The following REDIC1 variants were observed in gnomAD, a reference collection of about 807,000 sequenced individuals.
REDIC1 encodes the protein HEI10 Interacting Protein 1.
the REDIC1 span, among the ~76,000 whole-genome samples, chr12:39,783,268 C>T: frequency 1.2e-4 from 19 of 152,330 alleles, no homozygotes; most frequent in African/African-American, 4.3e-4. Context: ...TTCACTCTAT[C>T]ACTGATGGAC....
At chr12:39,724,292 G>T in the REDIC1 span, among the ~76,000 whole-genome samples, 1 of 152,124 alleles carries the variant, frequency 6.6e-6, no homozygotes, top group African/African-American at 2.4e-5. Context: ...GAACTGGTTA[G>T]TAATTAAAAT....
the REDIC1 span, chr12:39,682,661 A>T: frequency 6.2e-7 from 1 of 1,609,080 alleles, no homozygotes. Flanking sequence ...ATTATGGATG[A>T]AGATTGTAGA....
the REDIC1 span, among the ~76,000 whole-genome samples, chr12:39,832,048 C>T: frequency 6.6e-6 from 1 of 152,028 alleles, no homozygotes; most frequent in African/African-American, 2.4e-5. Context: ...CCTGAGTCAC[C>T]CCTATTTTTG....
At chr12:39,837,053 C>G in the REDIC1 span, among the ~76,000 whole-genome samples, 1 of 46,134 alleles carries the variant, frequency 2.2e-5, no homozygotes, top group East Asian at 8.8e-4. Flanking sequence ...GCCAAAAGAA[C>G]AAAGCTGGAG....
At chr12:39,698,246 C>G in the REDIC1 span, among the ~76,000 whole-genome samples, 3 of 152,242 alleles carry the variant, frequency 2.0e-5, no homozygotes, top group South Asian at 6.2e-4. Context: ...GTAGTTAGGC[C>G]ATGAGTGCTC....
the REDIC1 span, chr12:39,830,558 C>T: frequency 1.1e-6 from 1 of 905,798 alleles, no homozygotes; most frequent in African/African-American, 1.7e-5. Context: ...TGTTACCAAA[C>T]TGTAGACTGC....
chr12:39,759,362 A>AGAT, the REDIC1 span: 1 of 152,252 alleles, frequency 6.6e-6, no homozygotes, highest in Non-Finnish European at 1.5e-5. Context: ...ACAACCCGAC[A>AGAT]GATTATATTT....
chr12:39,834,233 G>A, the REDIC1 span, among the ~76,000 whole-genome samples: 1 of 151,896 alleles, frequency 6.6e-6, no homozygotes, highest in South Asian at 2.1e-4. Flanking sequence ...CTTGAGATAG[G>A]TCAAAAAAAG....
At chr12:39,640,938 TCTG>T in the REDIC1 span, 3 of 1,604,058 alleles carry the variant, frequency 1.9e-6, no homozygotes, top group Non-Finnish European at 2.6e-6. Context: ...TATATTTTAT[TCTG>T]CTGCTTTTTT....
At chr12:39,875,629 G>A in the REDIC1 span, among the ~76,000 whole-genome samples, 1 of 152,198 alleles carries the variant, frequency 6.6e-6, no homozygotes, top group African/African-American at 2.4e-5. Context: ...AGGAATGAAA[G>A]ACAAGGACAT....
At chr12:39,649,579 CT>C in the REDIC1 span, among the ~76,000 whole-genome samples, 128 of 132,072 alleles carry the variant, frequency 9.7e-4, no homozygotes, top group Admixed American at 3.3e-3. Flanking sequence ...TTTGACTCTC[CT>C]TTTTTTTTTT....
At chr12:39,878,905 C>T in the REDIC1 span, among the ~76,000 whole-genome samples, 93,724 of 152,096 alleles carry the variant, frequency 0.62, 29,300 homozygotes, top group South Asian at 0.74. Flanking sequence ...ATCACAGGCC[C>T]AGAGGCCTAG....
the REDIC1 span, among the ~76,000 whole-genome samples, chr12:39,739,287 G>A: frequency 1.6e-4 from 24 of 152,260 alleles, no homozygotes; most frequent in African/African-American, 5.3e-4. Flanking sequence ...TAGAGGCTAT[G>A]GGAGATACAA....
At chr12:39,875,804 T>A in the REDIC1 span, among the ~76,000 whole-genome samples, 5 of 152,290 alleles carry the variant, frequency 3.3e-5, no homozygotes, top group African/African-American at 1.2e-4. Flanking sequence ...CAAAGTACAT[T>A]CCAATGTTTT....
At chr12:39,780,839 G>T in the REDIC1 span, among the ~76,000 whole-genome samples, 3 of 152,012 alleles carry the variant, frequency 2.0e-5, no homozygotes, top group Non-Finnish European at 4.4e-5. Context: ...GGAACTAAAA[G>T]AAATTTTTTA....
At chr12:39,659,905 A>G in the REDIC1 span, among the ~76,000 whole-genome samples, 47 of 152,232 alleles carry the variant, frequency 3.1e-4, no homozygotes, top group African/African-American at 1.0e-3. Flanking sequence ...TGGAAACACT[A>G]TGGTACTTGG....
chr12:39,725,735 T>A, the REDIC1 span, among the ~76,000 whole-genome samples: 1 of 151,348 alleles, frequency 6.6e-6, no homozygotes, highest in East Asian at 1.9e-4. Context: ...CATGTATATT[T>A]TATATATGTA....
At chr12:39,747,681 G>C in the REDIC1 span, among the ~76,000 whole-genome samples, 1 of 152,190 alleles carries the variant, frequency 6.6e-6, no homozygotes, top group Non-Finnish European at 1.5e-5. Flanking sequence ...CAGAGAGAAA[G>C]GTTGGGTTAC....
At chr12:39,779,878 G>A in the REDIC1 span, among the ~76,000 whole-genome samples, 10 of 152,202 alleles carry the variant, frequency 6.6e-5, no homozygotes, top group Admixed American at 2.6e-4. Context: ...TCTCTGGCTC[G>A]TGTTTATCTG....
Sources: allele counts gnomAD v4.1 joint callset (sites outside exome capture counted in the v4.1 genomes callset), GRCh38; gene constraint gnomAD v4.1.1; transcripts MANE v1.5; gene names NCBI Gene and HGNC (gene_info 2026-07-23, HGNC 2026-07-21).